Variants in JAKMIP2 observed in about 807,000 individuals in gnomAD.
JAKMIP2 encodes the protein janus kinase and microtubule interacting protein 2.
In JAKMIP2, 25 loss-of-function variants were observed where a neutral mutation model predicts 115.0. That is an observed-to-expected ratio of 0.22 (90% CI 0.16 to 0.30). The LOEUF is 0.30. JAKMIP2 is among the 10% of genes least tolerant of loss of function. The pLI is 1.00. For missense variants in JAKMIP2, 642 were observed against 957.6 expected (o/e 0.67, Z 4.35); for synonymous variants, 334 against 343.6 (o/e 0.97, Z 0.31).
intron 1 of JAKMIP2, among the ~76,000 whole-genome samples, chr5:147,708,799 C>T (rs1400837470): frequency 2.0e-5 from 3 of 152,126 alleles, no homozygotes; most frequent in African/African-American, 4.8e-5. Flanking sequence ...ACATGAAGCC[C>T]TTTGTAACAT....
chr5:147,757,278 A>C (rs985214870), intron 1 of JAKMIP2, among the ~76,000 whole-genome samples: 1 of 152,086 alleles, frequency 6.6e-6, no homozygotes, highest in Non-Finnish European at 1.5e-5. Flanking sequence ...AAAGTGGACT[A>C]TCAAGGGCGA....
chr5:147,640,554 A>G, intron 9 of JAKMIP2, 150 bp downstream of exon 9: 1 of 717,030 alleles, frequency 1.4e-6, no homozygotes, highest in South Asian at 2.5e-5. Flanking sequence ...TCAAGAGATA[A>G]TAAAGTGCAG....
intron 19 of JAKMIP2, among the ~76,000 whole-genome samples, chr5:147,617,053 G>A (rs1756622151): frequency 6.6e-6 from 1 of 152,086 alleles, no homozygotes; most frequent in Non-Finnish European, 1.5e-5. Context: ...TTTCAATGCT[G>A]GAATCCTTAT....
Position 147,587,414 on chromosome 5 carries a change from C to CTGTGTGTGTG in JAKMIP2, c.*4283_*4292dup, listed in dbSNP as rs35695287. ...AATTACAGAGCAAATTTCTATTGCT[C>CTGTGTGTGTG]TGTGTGTGTGTGTGTGTGTGTGTGT... On this transcript the variant is annotated 3_prime_UTR_variant, in exon 22 of 22. Transcript: ENST00000616793. The CTGTGTGTGTG allele has an allele frequency of 6.7e-6, 1 of 149,786 alleles. No individual in the cohort carries two copies. The highest frequency in any genetic ancestry group is 2.0e-4 in the East Asian group (1 of 5,060). The allele number at this position is 149,786 out of a possible 1,614,324, so 9.3% of individuals were successfully genotyped here. A position where few individuals can be genotyped will look rare whatever the true frequency, so the allele number is the denominator to read the frequency against.
In JAKMIP2 at chr5:147,591,310, C is replaced by A. The variant is rs541111676; in HGVS notation, c.*397G>T. 4.7e-6 allele frequency: 1 copy of A among 214,030 alleles called. No homozygotes were observed. Among genetic ancestry groups the A allele is most frequent in the African/African-American group, 2.3e-5 (1 of 42,998 alleles). The allele number at this position is 214,030 out of a possible 1,614,324, so 13.3% of individuals were successfully genotyped here. ...GGGTGTGGTGTTACATTAAAATGAC[C>A]CCCCTGCACAGCAGGGGTTGAATAT... On this transcript the variant is annotated 3_prime_UTR_variant, in exon 22 of 22. Transcript: ENST00000616793.
intron 1 of JAKMIP2, among the ~76,000 whole-genome samples, chr5:147,717,445 C>G (rs1753053079): frequency 7.3e-6 from 1 of 136,494 alleles, no homozygotes; most frequent in South Asian, 2.7e-4. Context: ...GCAGTATGGC[C>G]ATTTTCACGA....
rs1241554190 is a variant in JAKMIP2 at position 147,590,242 on chromosome 5, T to C, written c.*1465A>G. On this transcript the variant is annotated 3_prime_UTR_variant, in exon 22 of 22. Coordinates refer to ENST00000616793, the MANE Select transcript of JAKMIP2 (RefSeq NM_001270941.2). ...TCTGGCTCCCTACACATATTCTCTA[T>C]GCATGGGAATTCTAGCCCCATAAAT... is the stretch of plus-strand genomic sequence containing the variant. 1 of 152,252 alleles carries C rather than the reference T, an allele frequency of 6.6e-6. No individual in the cohort carries two copies. Among genetic ancestry groups the C allele is most frequent in the East Asian group, 1.9e-4 (1 of 5,196 alleles). 9.4% of individuals were successfully genotyped at this position (152,252 alleles called of 1,614,324 possible). A position where few individuals can be genotyped will look rare whatever the true frequency, so the allele number is the denominator to read the frequency against.
chr5:147,766,762 A>C (rs1755171479), intron 1 of JAKMIP2, among the ~76,000 whole-genome samples: 1 of 152,158 alleles, frequency 6.6e-6, no homozygotes, highest in African/African-American at 2.4e-5. Context: ...CTTTGATTAA[A>C]ATATCACACA....
intron 1 of JAKMIP2, among the ~76,000 whole-genome samples, chr5:147,739,195 A>G (rs1754046242): frequency 1.3e-5 from 2 of 151,976 alleles, no homozygotes; most frequent in African/African-American, 4.8e-5. Flanking sequence ...CTTGAGTCAG[A>G]CTCTCACCAA....
At chr5:147,712,762 T>A (rs1752831579) in intron 1 of JAKMIP2, among the ~76,000 whole-genome samples, 1 of 152,172 alleles carries the variant, frequency 6.6e-6, no homozygotes, top group Non-Finnish European at 1.5e-5. Context: ...CCTTCCACTC[T>A]GATGGAAAGA....
intron 20 of JAKMIP2, among the ~76,000 whole-genome samples, chr5:147,606,967 G>A (rs1756050500): frequency 1.3e-5 from 2 of 152,018 alleles, no homozygotes; most frequent in Non-Finnish European, 2.9e-5. Context: ...CTCATGATTT[G>A]GCTCTCTGTC....
At chr5:147,685,815 G>A (rs1426596993) in intron 1 of JAKMIP2, among the ~76,000 whole-genome samples, 2 of 152,014 alleles carry the variant, frequency 1.3e-5, no homozygotes, top group Non-Finnish European at 2.9e-5. Flanking sequence ...TTTTTGAATG[G>A]CAGATGATCA....
At chr5:147,726,917 T>C (rs1465945155) in intron 1 of JAKMIP2, among the ~76,000 whole-genome samples, 1 of 152,206 alleles carries the variant, frequency 6.6e-6, no homozygotes, top group Non-Finnish European at 1.5e-5. Flanking sequence ...CTTTGCAAGC[T>C]CAAAATTGGC....
chr5:147,712,774 T>C (rs1372241362), intron 1 of JAKMIP2, among the ~76,000 whole-genome samples: 1 of 152,146 alleles, frequency 6.6e-6, no homozygotes, highest in Non-Finnish European at 1.5e-5. Context: ...ATGGAAAGAA[T>C]AGCTATGCCT....
chr5:147,747,673 AG>A (rs1580871687), intron 1 of JAKMIP2, among the ~76,000 whole-genome samples: 3 of 152,150 alleles, frequency 2.0e-5, no homozygotes, highest in African/African-American at 7.2e-5. Flanking sequence ...AGAATCAGTA[AG>A]AATGTAAGGA....
intron 1 of JAKMIP2, among the ~76,000 whole-genome samples, chr5:147,759,930 C>T (rs1490360389): frequency 1.3e-5 from 2 of 151,900 alleles, no homozygotes; most frequent in Admixed American, 6.6e-5. Context: ...GGCAGCCCTA[C>T]ATGGGAAGGT....
At chr5:147,714,476 A>G (rs1017038949) in intron 1 of JAKMIP2, among the ~76,000 whole-genome samples, 7 of 152,204 alleles carry the variant, frequency 4.6e-5, no homozygotes, top group African/African-American at 1.4e-4. Context: ...TAAAAGGCAT[A>G]GAAAACACAG....
chr5:147,621,448 A>C (rs1756843230), intron 17 of JAKMIP2, among the ~76,000 whole-genome samples: 1 of 152,208 alleles, frequency 6.6e-6, no homozygotes, highest in Admixed American at 6.5e-5. Context: ...TCTGAAGAAA[A>C]ACTCAATGGT....
At chr5:147,600,594 CCTT>C (rs1426982871) in intron 21 of JAKMIP2, among the ~76,000 whole-genome samples, 2 of 151,974 alleles carry the variant, frequency 1.3e-5, no homozygotes, top group Non-Finnish European at 2.9e-5. Context: ...AGCCGCTGGC[CCTT>C]CTTCTTTTTG....
Sources: gnomAD v4.1 joint callset for allele counts (sites outside exome capture counted in the v4.1 genomes callset) on GRCh38, gnomAD v4.1.1 for gene constraint, MANE v1.5 for transcripts, NCBI Gene and HGNC (gene_info 2026-07-23, HGNC 2026-07-21) for gene names.